CNTNAP2: variants seen among roughly 807,000 people sequenced by gnomAD.
The protein encoded by CNTNAP2 is contactin-associated protein-like 2.
In CNTNAP2, 98 loss-of-function variants were observed where a neutral mutation model predicts 155.2. The ratio of observed to expected loss-of-function variants is 0.63; its 90% CI spans 0.54 to 0.75. CNTNAP2 has a LOEUF of 0.75. Ranked by LOEUF, CNTNAP2 falls within the 30% of genes least tolerant of loss-of-function variation. The probability of loss-of-function intolerance (pLI) is 0.00; values close to 1 mark genes in which losing one functional copy is unlikely to be tolerated. For synonymous variants in CNTNAP2, 651 were observed against 631.2 expected (o/e 1.03, Z -0.47); for missense variants, 1,727 against 1,688.1 (o/e 1.02, Z -0.40).
chr7:147,262,699 A>G (rs574101152), intron 8 of CNTNAP2, among the ~76,000 whole-genome samples: 3 of 152,202 alleles, frequency 2.0e-5, no homozygotes, highest in Admixed American at 1.3e-4. Context: ...CCAGCTACTC[A>G]GGAGGCTGAG....
chr7:146,764,662 A>G (rs557061805), intron 1 of CNTNAP2, among the ~76,000 whole-genome samples: 4 of 152,284 alleles, frequency 2.6e-5, no homozygotes, highest in Admixed American at 2.0e-4. Flanking sequence ...CAAAATTTGA[A>G]CTACTTCTCG....
chr7:148,344,998 G>T (rs1798296542), intron 21 of CNTNAP2, among the ~76,000 whole-genome samples: 1 of 152,202 alleles, frequency 6.6e-6, no homozygotes, highest in Non-Finnish European at 1.5e-5. Flanking sequence ...CCGAGTGGTG[G>T]AGCCATGGCT....
At chr7:147,000,535 A>C (rs58668141) in intron 3 of CNTNAP2, among the ~76,000 whole-genome samples, 2,524 of 152,132 alleles carry the variant, frequency 0.017, 76 homozygotes, top group African/African-American at 0.057. Flanking sequence ...AATATCCTTC[A>C]GTGTTAAGCC....
intron 1 of CNTNAP2, among the ~76,000 whole-genome samples, chr7:146,620,274 A>G (rs1364385640): frequency 1.3e-5 from 2 of 152,148 alleles, no homozygotes; most frequent in African/African-American, 4.8e-5. Context: ...AATCATGCCA[A>G]GACATACAAT....
At position 147,108,136 on chromosome 7, in the gene CNTNAP2, T is replaced by TTG. The variant is rs1554439036; in HGVS notation, c.551-10_551-9insGT. ...GGCTGAACTAATATGTTATTTTTTT[T>TTG]TTTGTTTTAGGGGCTGATGTTATCA... On this transcript the variant is annotated splice_polypyrimidine_tract_variant and intron_variant, in intron 4 of 23. Transcript: ENST00000361727. The TTG allele has an allele frequency of 2.7e-4, 440 of 1,609,402 alleles. 2 individuals carry two copies. The highest frequency in any genetic ancestry group is 2.9e-4 in the Non-Finnish European group (340 of 1,177,200).
chr7:147,072,198 T>A (rs1403023056), intron 4 of CNTNAP2, among the ~76,000 whole-genome samples: 1 of 151,844 alleles, frequency 6.6e-6, no homozygotes, highest in African/African-American at 2.4e-5. Context: ...TAAACAGAAC[T>A]CTTGGGGCAG....
At chr7:147,948,660 T>C (rs376061678) in intron 14 of CNTNAP2, among the ~76,000 whole-genome samples, 4 of 148,486 alleles carry the variant, frequency 2.7e-5, no homozygotes, top group East Asian at 2.0e-4. Context: ...CACACACACA[T>C]ATATATATGT....
At chr7:146,930,563 A>G (rs1462442770) in intron 3 of CNTNAP2, among the ~76,000 whole-genome samples, 2 of 152,200 alleles carry the variant, frequency 1.3e-5, no homozygotes, top group Non-Finnish European at 2.9e-5. Flanking sequence ...ACATAATGAC[A>G]GGATGAAATT....
chr7:147,313,812 A>T (rs1795171724), intron 9 of CNTNAP2, among the ~76,000 whole-genome samples: 1 of 151,900 alleles, frequency 6.6e-6, no homozygotes, highest in Non-Finnish European at 1.5e-5. Context: ...AGTCATTGGT[A>T]GCTTGATGGG....
At chr7:147,201,180 G>T (rs935782950) in intron 8 of CNTNAP2, among the ~76,000 whole-genome samples, 3 of 152,146 alleles carry the variant, frequency 2.0e-5, no homozygotes, top group Admixed American at 6.5e-5. Flanking sequence ...AAGAATGGAG[G>T]CCTACTCTAT....
At chr7:147,567,041 C>T (rs937801303) in intron 12 of CNTNAP2, among the ~76,000 whole-genome samples, 6 of 152,042 alleles carry the variant, frequency 3.9e-5, no homozygotes, top group Admixed American at 1.3e-4. Context: ...GTGCCACAGA[C>T]GTATGGCAAA....
chr7:146,546,795 C>T (rs1334233908), intron 1 of CNTNAP2, among the ~76,000 whole-genome samples: 2 of 151,806 alleles, frequency 1.3e-5, no homozygotes, highest in Non-Finnish European at 2.9e-5. Context: ...CTTATAAAAC[C>T]ATCAGACCTC....
intron 13 of CNTNAP2, among the ~76,000 whole-genome samples, chr7:147,654,061 A>G (rs1394218277): frequency 6.6e-6 from 1 of 152,152 alleles, no homozygotes; most frequent in Admixed American, 6.5e-5. Context: ...GAACTGGGAG[A>G]ACAATTTATA....
At chr7:148,104,818 A>G (rs7806894) in intron 15 of CNTNAP2, among the ~76,000 whole-genome samples, 24,898 of 152,184 alleles carry the variant, frequency 0.16, 5,619 homozygotes, top group African/African-American at 0.51. Context: ...GTGTCCAAAC[A>G]TCCAAACAAA....
At chr7:146,961,939 A>T (rs371403098) in intron 3 of CNTNAP2, among the ~76,000 whole-genome samples, 1 of 152,160 alleles carries the variant, frequency 6.6e-6, no homozygotes, top group Non-Finnish European at 1.5e-5. Context: ...GAGCTGCTTG[A>T]GGTCATAGAG....
At chr7:147,452,070 T>C (rs977386209) in intron 10 of CNTNAP2, among the ~76,000 whole-genome samples, 2 of 152,234 alleles carry the variant, frequency 1.3e-5, no homozygotes, top group African/African-American at 2.4e-5. Flanking sequence ...TATTCTGTTA[T>C]AGCAGCAGAA....
chr7:146,901,036 A>G (rs1003658724), intron 3 of CNTNAP2, among the ~76,000 whole-genome samples: 180 of 151,292 alleles, frequency 1.2e-3, no homozygotes, highest in African/African-American at 3.3e-3. Flanking sequence ...AGTAGTAATA[A>G]TAATAATAAT....
At chr7:146,250,780 C>T (rs955734930) in intron 1 of CNTNAP2, among the ~76,000 whole-genome samples, 10 of 152,236 alleles carry the variant, frequency 6.6e-5, no homozygotes, top group African/African-American at 1.2e-4. Context: ...CCATATTTGA[C>T]GCCCTTAAAT....
At chr7:146,585,722 A>G (rs1271593055) in intron 1 of CNTNAP2, among the ~76,000 whole-genome samples, 1 of 150,506 alleles carries the variant, frequency 6.6e-6, no homozygotes, top group Non-Finnish European at 1.5e-5. Flanking sequence ...AAGGAAGGAA[A>G]GAAAGAAGAA....
Sources: gnomAD v4.1 joint callset for allele counts (sites outside exome capture counted in the v4.1 genomes callset) on GRCh38, gnomAD v4.1.1 for gene constraint, MANE v1.5 for transcripts, NCBI Gene and HGNC (gene_info 2026-07-23, HGNC 2026-07-21) for gene names.